The following PPP1R13B variants were observed in gnomAD, a reference collection of about 807,000 sequenced individuals.
The protein encoded by PPP1R13B is protein phosphatase 1 regulatory subunit 13B.
PPP1R13B carries 44 observed loss-of-function variants against 119.8 expected under a neutral mutation model. That is an observed-to-expected ratio of 0.37 (90% CI 0.29 to 0.47). The LOEUF (loss-of-function observed/expected upper bound fraction) is 0.47. PPP1R13B is among the 20% of genes least tolerant of loss of function. The probability of loss-of-function intolerance (pLI) is 0.99; values close to 1 mark genes in which losing one functional copy is unlikely to be tolerated. For synonymous variants in PPP1R13B, 542 were observed against 561.5 expected (o/e 0.97, Z 0.49); for missense variants, 1,227 against 1,413.5 (o/e 0.87, Z 2.12).
upstream of PPP1R13B, chr14:103,848,330 T>C: frequency 1.0e-6 from 1 of 985,348 alleles, no homozygotes; most frequent in African/African-American, 1.7e-5. Flanking sequence ...CCGGTCCTCG[T>C]CTCCAGGGCC....
chr14:103,745,956 C>T (rs1044253349), intron 9 of PPP1R13B, among the ~76,000 whole-genome samples: 3 of 152,168 alleles, frequency 2.0e-5, no homozygotes, highest in Admixed American at 2.0e-4. Context: ...CAGGTGCACG[C>T]CACCACGCCC....
intron 1 of PPP1R13B, among the ~76,000 whole-genome samples, chr14:103,846,457 CG>C (rs2087036256): frequency 1.3e-5 from 2 of 152,162 alleles, no homozygotes; most frequent in African/African-American, 4.8e-5. Context: ...TTACTATAAA[CG>C]TGTTTGAGAA....
rs181654035 is a variant in PPP1R13B at position 103,738,392 on chromosome 14, T to C, written c.2864+287A>G. On this transcript the variant is annotated intron_variant, in intron 14 of 16. Transcript: ENST00000202556. This position sits in a 1 kb window ranked among gnomAD's most constrained non-coding sequence, Gnocchi z 5.6. The stretch of plus-strand genomic sequence containing the variant: ...GTGTGAAGAGTCCATACGGAACATA[T>C]GAGAAGGGGAAGATGGAATGATTCA... 1,039 of 458,796 alleles carry C rather than the reference T, an allele frequency of 2.3e-3. 2 individuals are homozygous for C. The highest frequency in any genetic ancestry group is 3.2e-3 in the Admixed American group (91 of 28,870). 28.4% of individuals were successfully genotyped at this position (458,796 alleles called of 1,614,324 possible).
chr14:103,743,086 C>A (rs1407565841), intron 9 of PPP1R13B, among the ~76,000 whole-genome samples: 1 of 152,238 alleles, frequency 6.6e-6, no homozygotes, highest in African/African-American at 2.4e-5. Flanking sequence ...CAGAGACTCA[C>A]GCCAAACCAA....
intron 1 of PPP1R13B, among the ~76,000 whole-genome samples, chr14:103,823,637 T>C (rs1415111858): frequency 1.3e-5 from 2 of 152,112 alleles, no homozygotes; most frequent in Non-Finnish European, 2.9e-5. Flanking sequence ...ACCATCAAAA[T>C]TATTCAGTCT....
chr14:103,848,024 G>A (rs1448380137), upstream of PPP1R13B, among the ~76,000 whole-genome samples: 1 of 151,714 alleles, frequency 6.6e-6, no homozygotes, highest in Non-Finnish European at 1.5e-5. Flanking sequence ...CTGCCGGCGC[G>A]CCGTGGGGCT....
At chr14:103,834,528 G>A (rs978367866) in intron 1 of PPP1R13B, among the ~76,000 whole-genome samples, 1 of 150,954 alleles carries the variant, frequency 6.6e-6, no homozygotes, top group Non-Finnish European at 1.5e-5. Flanking sequence ...TTCTGGTTCT[G>A]AGTCAGGTCT....
intron 1 of PPP1R13B, among the ~76,000 whole-genome samples, chr14:103,841,636 CTTTGGTG>C (rs1340991486): frequency 6.6e-6 from 1 of 152,018 alleles, no homozygotes; most frequent in Non-Finnish European, 1.5e-5. Flanking sequence ...ATTGTCCTGT[CTTTGGTG>C]TTTGTTTACT....
chr14:103,746,631 G>T, intron 8 of PPP1R13B, 78 bp from the exon 9 acceptor site: 1 of 1,270,204 alleles, frequency 7.9e-7, no homozygotes. Context: ...GAGACTGCCA[G>T]CTCGGACAGA....
In PPP1R13B at chr14:103,742,015, C is replaced by A. The variant is rs778426241; in HGVS notation, c.1597G>T (p.Ala533Ser). The change falls in exon 11 of 17, where the codon GCG (alanine) becomes TCG (serine). Residue 533 changes from alanine (A) to serine (S), a missense_variant. Transcript: ENST00000202556. This position sits in a 1 kb window ranked among gnomAD's most constrained non-coding sequence, Gnocchi z 4.9. ...SVPPSPTYPP[A>S]GPPAFPAGDS... ...CCAGCTGGAAATGCAGGTGGTCCCG[C>A]TGGCGGGTACGTGGGACTTGGCGGT... 6.2e-7 allele frequency: 1 copy of A among 1,614,268 alleles called. No individual in the cohort carries two copies. Among genetic ancestry groups the A allele is most frequent in the Non-Finnish European group, 8.5e-7 (1 of 1,180,054 alleles).
chr14:103,778,142 C>T (rs1261434271), intron 4 of PPP1R13B, among the ~76,000 whole-genome samples: 2 of 150,914 alleles, frequency 1.3e-5, no homozygotes, highest in Non-Finnish European at 2.9e-5. Context: ...TTAGTAGAAA[C>T]AGGGTTTCAC....
chr14:103,847,584 C>A, upstream of PPP1R13B: 1 of 986,772 alleles, frequency 1.0e-6, no homozygotes, highest in Non-Finnish European at 1.2e-6. Flanking sequence ...CTGCGGCCCG[C>A]CCGCCCGGCT....
In PPP1R13B at chr14:103,738,518, G is replaced by T; in HGVS notation, c.2864+161C>A. The T allele has an allele frequency of 1.7e-6, 2 of 1,157,396 alleles. No homozygotes were observed. The highest frequency in any genetic ancestry group is 2.4e-6 in the Non-Finnish European group (2 of 832,298). 71.7% of individuals were successfully genotyped at this position (1,157,396 alleles called of 1,614,324 possible). A position where few individuals can be genotyped will look rare whatever the true frequency, so the allele number is the denominator to read the frequency against. On this transcript the variant is annotated intron_variant, in intron 14 of 16. Transcript: ENST00000202556. The surrounding 1 kb of genome is among the most constrained non-coding windows in gnomAD (Gnocchi z 5.6). ...TCAAGAGAAAAGGCTGGAAAAAAAGGCAAGGAAACCCTGGCAACAGCTGTC... is the reference window on the plus strand; with the variant it reads ...TCAAGAGAAAAGGCTGGAAAAAAAGTCAAGGAAACCCTGGCAACAGCTGTC...
intron 1 of PPP1R13B, among the ~76,000 whole-genome samples, chr14:103,839,457 A>G (rs28533661): frequency 0.45 from 67,426 of 151,334 alleles, 15,504 homozygotes; most frequent in African/African-American, 0.56. Context: ...GAGAAACCCC[A>G]TCTCCACTAA....
chr14:103,838,485 C>CCT, intron 1 of PPP1R13B, among the ~76,000 whole-genome samples: 1 of 152,130 alleles, frequency 6.6e-6, no homozygotes, highest in East Asian at 1.9e-4. Context: ...CTGCAAAGAA[C>CCT]CTCCAAATAA....
intron 1 of PPP1R13B, among the ~76,000 whole-genome samples, chr14:103,841,815 A>G: frequency 6.6e-6 from 1 of 152,188 alleles, no homozygotes; most frequent in South Asian, 2.1e-4. Context: ...AGTTGCCTCA[A>G]CCTTTGATGA....
rs2084236152 is a variant in PPP1R13B at position 103,740,665 on chromosome 14, A to G, written c.1823-72T>C. 7.8e-7 allele frequency: 1 copy of G among 1,279,110 alleles called. No homozygotes were observed. The highest frequency in any genetic ancestry group is 1.0e-6 in the Non-Finnish European group (1 of 976,916). The allele number at this position is 1,279,110 out of a possible 1,614,324, so 79.2% of individuals were successfully genotyped here. A position where few individuals can be genotyped will look rare whatever the true frequency, so the allele number is the denominator to read the frequency against. ...TCTAGTCATACACACCTATGATTAC[A>G]CCAGAGACAGGCTCCTGCAAAGACA... On this transcript the variant is annotated intron_variant, in intron 11 of 16. Transcript: ENST00000202556. This position sits in a 1 kb window ranked among gnomAD's most constrained non-coding sequence, Gnocchi z 4.6.
Position 103,741,843 on chromosome 14 carries a change from G to A in PPP1R13B, c.1769C>T (p.Pro590Leu). The change falls in exon 11 of 17, where the codon CCT becomes CTT. Residue 590 changes from proline (P) to leucine (L), a missense_variant. Physicochemically the swap from Pro to Leu is moderately conservative, Grantham distance 98. Transcript: ENST00000202556. ...GTGTGCTGCCGGCTGGTAATTCTTAGGTGGTGTGGCTTGCTGGAGGTACAT... is the reference window on the plus strand; with the variant it reads ...GTGTGCTGCCGGCTGGTAATTCTTAAGTGGTGTGGCTTGCTGGAGGTACAT... ...YSMYLQQATP[P>L]KNYQPAAHSA... is the part of the protein sequence containing the mutation. 6.2e-7 allele frequency: 1 copy of A among 1,614,230 alleles called. No individual in the cohort carries two copies. The highest frequency in any genetic ancestry group is 8.5e-7 in the Non-Finnish European group (1 of 1,180,032).
At chr14:103,791,099 A>G (rs1567126434) in intron 2 of PPP1R13B, among the ~76,000 whole-genome samples, 4 of 149,356 alleles carry the variant, frequency 2.7e-5, no homozygotes, top group African/African-American at 5.0e-5. Context: ...AATATAATGC[A>G]CATTATGCTG....
Sources: gnomAD v4.1 joint callset for allele counts (sites outside exome capture counted in the v4.1 genomes callset) on GRCh38, gnomAD v4.1.1 for gene constraint, Gnocchi (gnomAD v3.1) non-coding constraint, MANE v1.5 for transcripts, NCBI Gene and HGNC (gene_info 2026-07-23, HGNC 2026-07-21) for gene names.